The following PLXNB1 variants were observed in gnomAD, a reference collection of about 807,000 sequenced individuals.
PLXNB1 encodes the protein plexin B1.
Under a neutral mutation model 209.4 loss-of-function variants are expected in PLXNB1, and 106 were observed. The ratio of observed to expected loss-of-function variants is 0.51; its 90% confidence interval spans 0.43 to 0.59. The LOEUF is 0.59. PLXNB1 is among the 20% of genes least tolerant of loss of function. The probability of loss-of-function intolerance (pLI) is 0.00; values close to 1 mark genes in which losing one functional copy is unlikely to be tolerated. For missense variants in PLXNB1, 2,357 were observed against 2,853.2 expected, an observed-to-expected ratio of 0.83 and a Z score of 3.96; for synonymous variants, 1,167 against 1,183.2, an observed-to-expected ratio of 0.99 and a Z score of 0.28.
Position 48,412,429 on chromosome 3 carries a change from C to T in PLXNB1, c.5033+13G>A, listed in dbSNP as rs185691462. 390 of 1,612,820 alleles carry T rather than the reference C, an allele frequency of 2.4e-4. 2 individuals are homozygous for T. The African/African-American group carries it at 4.3e-3, about 18-fold the overall frequency. On this transcript the variant is annotated intron_variant, in intron 26 of 37. Transcript: ENST00000296440. ...CTGTCCAGGGCCCACCCAGCCCCAA[C>T]AGCCACACAGACCTGCGCAGCATCA...
rs1385331767 is a variant in PLXNB1, at chr3:48,411,538, G to C, written c.5247+325C>G. Among the ~76,000 whole-genome samples, 2 of 152,200 alleles carry C rather than the reference G, an allele frequency of 1.3e-5. No individual in the cohort carries two copies. The highest frequency in any genetic ancestry group is 2.9e-5 in the Non-Finnish European group (2 of 68,032). On this transcript the variant is annotated intron_variant, in intron 28 of 37. Transcript: ENST00000296440. The surrounding 1 kb of genome is among the most constrained non-coding windows in gnomAD (Gnocchi z 4.0). The stretch of plus-strand genomic sequence containing the variant: ...GGGCAAGGCCGCATTCCTGGTAGGA[G>C]GGCCAGGCAGACAGGGTCAGGCCCT...
In PLXNB1 at chr3:48,412,449, G is replaced by C; in HGVS notation, c.5026C>G (p.Leu1676Val). 6.2e-7 allele frequency: 1 copy of C among 1,613,562 alleles called. No individual in the cohort carries two copies. Among genetic ancestry groups the C allele is most frequent in the Non-Finnish European group, 8.5e-7 (1 of 1,180,008 alleles). The change falls in exon 26 of 38, where the codon CTG becomes GTG. Residue 1676 changes from leucine (L) to valine (V), a missense_variant. Leu to Val is a conservative substitution (Grantham distance 32, BLOSUM62 1). Coordinates refer to ENST00000296440, the MANE Select transcript of PLXNB1 (RefSeq NM_001130082.3). Reference protein sequence around the residue: ...QYVAKNPKLMLRRTETVVEKL... With the variant: ...QYVAKNPKLMVRRTETVVEKL... ...CCCAACAGCCACACAGACCTGCGCA[G>C]CATCAGCTTGGGGTTCTTGGCCACA...
At chr3:48,423,447 C>A in intron 3 of PLXNB1, 58 bp downstream of exon 3, 1 of 1,571,300 alleles carries the variant, frequency 6.4e-7, no homozygotes, top group South Asian at 1.2e-5. Flanking sequence ...TCCTTGGCTG[C>A]AAATGCTTGG....
rs1337757407 is a variant in PLXNB1, at chr3:48,410,695, G to A, written c.5417-137C>T. On this transcript the variant is annotated intron_variant, in intron 29 of 37. Coordinates refer to ENST00000296440, the MANE Select transcript of PLXNB1 (RefSeq NM_001130082.3). This position sits in a 1 kb window ranked among gnomAD's most constrained non-coding sequence, Gnocchi z 6.4. ...TCAACCTCTCCAAAGACCAAGAGCAGGGACCCCCTCCCCAGATGAGAGGCT... is the reference window on the plus strand; with the variant it reads ...TCAACCTCTCCAAAGACCAAGAGCAAGGACCCCCTCCCCAGATGAGAGGCT... The A allele has an allele frequency of 7.4e-6, 7 of 941,000 alleles. No homozygotes were observed. Among genetic ancestry groups the A allele is most frequent in the Non-Finnish European group, 8.1e-6 (5 of 618,526 alleles). 58.3% of individuals were successfully genotyped at this position (941,000 alleles called of 1,614,324 possible).
Position 48,424,040 on chromosome 3 carries a change from G to T in PLXNB1, c.572C>A (p.Pro191Gln). 1 of 1,600,206 alleles carries T rather than the reference G, an allele frequency of 6.2e-7. No individual in the cohort carries two copies. Among genetic ancestry groups the T allele is most frequent in the East Asian group, 2.3e-5 (1 of 44,166 alleles). Residue 191 changes from proline (P) to glutamine (Q), a missense_variant, in exon 3 of 38, where the codon CCG (proline) becomes CAG (glutamine). This residue lies in a region of PLXNB1 where 404 missense variants were observed against 443.6 expected (regional missense o/e 0.91). Transcript: ENST00000296440. The stretch of plus-strand genomic sequence containing the variant: ...GGAGAAGGCAGCTTGGGGGTCGGGC[G>T]GCCACAGGGCCCGGGTTGTGATGGG... ...IPPITTRALWPPDPQAAFSYE... is the reference protein window; with the variant it reads ...IPPITTRALWQPDPQAAFSYE...
chr3:48,416,106 G>A lies in PLXNB1; in HGVS notation c.3542C>T (p.Thr1181Ile), dbSNP rs1421478257. The change falls in exon 18 of 38, where the codon ACC becomes ATC. Residue 1181 changes from threonine to isoleucine, a missense_variant. By Grantham distance (89) the Thr-to-Ile change is moderately conservative. Transcript: ENST00000296440. The surrounding 1 kb of genome is among the most constrained non-coding windows in gnomAD (Gnocchi z 4.1). The stretch of plus-strand genomic sequence containing the variant: ...AGTCAGGAGCTTGGAGCCATTCAGG[G>A]TGAGACGGGTGCCCCCAGCTCTGGG... ...RGPRAGGTRL[T>I]LNGSKLLTGR... is the part of the protein sequence containing the mutation. The A allele has an allele frequency of 1.3e-6, 2 of 1,599,276 alleles. No individual in the cohort carries two copies. The highest frequency in any genetic ancestry group is 1.7e-6 in the Non-Finnish European group (2 of 1,173,222).
Position 48,411,171 on chromosome 3 carries a change from T to G in PLXNB1, c.5248-135A>C. ...CACCACACAATCCCTAATTCTCGTC[T>G]CTTCACCTGCCTGCCTTCCCCAGGG... On this transcript the variant is annotated intron_variant, in intron 28 of 37. Coordinates refer to ENST00000296440, the MANE Select transcript of PLXNB1 (RefSeq NM_001130082.3). The surrounding 1 kb of genome is among the most constrained non-coding windows in gnomAD (Gnocchi z 4.0). 1.4e-6 allele frequency: 1 copy of G among 729,772 alleles called. No individual in the cohort carries two copies. Among genetic ancestry groups the G allele is most frequent in the Non-Finnish European group, 2.2e-6 (1 of 456,612 alleles). The allele number at this position is 729,772 out of a possible 1,614,324, so 45.2% of individuals were successfully genotyped here.
chr3:48,409,925 T>A lies in PLXNB1; in HGVS notation c.5758A>T (p.Thr1920Ser), dbSNP rs777578353. The change falls in exon 32 of 38, where the codon ACC becomes TCC. Residue 1920 changes from threonine (T) to serine (S), a missense_variant. Physicochemically the swap from Thr to Ser is moderately conservative, Grantham distance 58 (BLOSUM62 1). This residue lies in a region of PLXNB1 where 414 missense variants were observed against 520.5 expected (regional missense o/e 0.80). Coordinates refer to ENST00000296440, the MANE Select transcript of PLXNB1 (RefSeq NM_001130082.3). The surrounding 1 kb of genome is among the most constrained non-coding windows in gnomAD (Gnocchi z 5.8). ...RAKAIPEIYLTRLLSMKGTLQ... is the reference protein window; with the variant it reads ...RAKAIPEIYLSRLLSMKGTLQ... ...CCCACCTTCATGGACAGCAGGCGGGTCAGGTAGATCTCAGGGATGGCCTTG... is the reference window on the plus strand; with the variant it reads ...CCCACCTTCATGGACAGCAGGCGGGACAGGTAGATCTCAGGGATGGCCTTG... 11 of 1,610,950 alleles carry A rather than the reference T, an allele frequency of 6.8e-6. No individual in the cohort carries two copies. The highest frequency in any genetic ancestry group is 1.3e-5 in the African/African-American group (1 of 74,638).
At chr3:48,408,788 A>G (rs2037468595) in intron 34 of PLXNB1, among the ~76,000 whole-genome samples, 1 of 152,164 alleles carries the variant, frequency 6.6e-6, no homozygotes. Flanking sequence ...CCAGAGGCCC[A>G]GGGATCATGT....
rs76177327 is a variant in PLXNB1 at position 48,409,220 on chromosome 3, G to A, written c.6087+109C>T. 4.1e-3 allele frequency: 5,371 copies of A among 1,318,442 alleles called. 93 individuals carry two copies. The African/African-American group carries it at 0.054, about 13-fold the overall frequency. The allele number at this position is 1,318,442 out of a possible 1,614,324, so 81.7% of individuals were successfully genotyped here. A position where few individuals can be genotyped will look rare whatever the true frequency, so the allele number is the denominator to read the frequency against. On this transcript the variant is annotated intron_variant, in intron 34 of 37. Coordinates refer to ENST00000296440, the MANE Select transcript of PLXNB1 (RefSeq NM_001130082.3). This position sits in a 1 kb window ranked among gnomAD's most constrained non-coding sequence, Gnocchi z 5.8. The stretch of plus-strand genomic sequence containing the variant: ...GAAGCCTTGGCTTGGGAGGTCAGAG[G>A]TCTCCCCTAAGCCCTCCTTGAAGTT...
In PLXNB1 at chr3:48,411,015, C is replaced by G; in HGVS notation, c.5269G>C (p.Val1757Leu). ...RPLTLNALLA[V>L]GPGAGEAQGV... The stretch of plus-strand genomic sequence containing the variant: ...TGGGCCTCTCCTGCCCCAGGCCCCA[C>G]AGCCAATAGTGCATTCAAGGTCTGT... Residue 1757 changes from valine (V) to leucine (L), a missense_variant, in exon 29 of 38, where the codon GTG becomes CTG. Physicochemically the swap from Val to Leu is conservative, Grantham distance 32 (BLOSUM62 1). Around this residue, in one of 7 missense-constraint regions of PLXNB1, gnomAD observed 414 missense variants for 520.5 expected, o/e 0.80. Transcript: ENST00000296440. This position sits in a 1 kb window ranked among gnomAD's most constrained non-coding sequence, Gnocchi z 4.0. 2 of 1,613,612 alleles carry G rather than the reference C, an allele frequency of 1.2e-6. No individual in the cohort carries two copies. Among genetic ancestry groups the G allele is most frequent in the Non-Finnish European group, 1.7e-6 (2 of 1,179,876 alleles).
At position 48,410,480 on chromosome 3, in the gene PLXNB1, C is replaced by A; in HGVS notation, c.5495G>T (p.Arg1832Leu). ...CTTGTAATGCTGCAGTGTGTTCAGG[C>A]GCCTCCACAGACCCTGGACCTCAGA... The part of the protein sequence containing the change: ...VTSEVQGLWR[R>L]LNTLQHYKVP... Residue 1832 changes from arginine to leucine, a missense_variant, in exon 30 of 38, where the codon CGC becomes CTC. Coordinates refer to ENST00000296440, the MANE Select transcript of PLXNB1 (RefSeq NM_001130082.3). This position sits in a 1 kb window ranked among gnomAD's most constrained non-coding sequence, Gnocchi z 6.4. The A allele has an allele frequency of 3.1e-6, 5 of 1,613,926 alleles. No homozygotes were observed. The highest frequency in any genetic ancestry group is 4.2e-6 in the Non-Finnish European group (5 of 1,179,926).
At chr3:48,422,990 C>T in intron 3 of PLXNB1, 43 bp from the exon 4 acceptor site, 2 of 1,565,360 alleles carry the variant, frequency 1.3e-6, no homozygotes, top group South Asian at 1.1e-5. Context: ...CCCTGGATAA[C>T]CTCCTCGGCC....
Position 48,417,812 on chromosome 3 carries a change from A to AG in PLXNB1, c.3374+98dup, listed in dbSNP as rs3217705. ...GGCCAGGATCAAGGAACAGGGAGAGAGGGGGGCAGATGAGCGGTGGGTGGG... is the reference window on the plus strand; with the variant it reads ...GGCCAGGATCAAGGAACAGGGAGAGAGGGGGGGCAGATGAGCGGTGGGTGGG... On this transcript the variant is annotated intron_variant, in intron 16 of 37. Transcript: ENST00000296440. This position sits in a 1 kb window ranked among gnomAD's most constrained non-coding sequence, Gnocchi z 4.4. The AG allele has an allele frequency of 3.0e-5, 38 of 1,276,472 alleles. No individual in the cohort carries two copies. The highest frequency in any genetic ancestry group is 1.8e-4 in the African/African-American group (12 of 67,514). The allele number at this position is 1,276,472 out of a possible 1,614,324, so 79.1% of individuals were successfully genotyped here. A position where few individuals can be genotyped will look rare whatever the true frequency, so the allele number is the denominator to read the frequency against.
At position 48,410,536 on chromosome 3, in the gene PLXNB1, C is replaced by T. The variant is rs748229334; in HGVS notation, c.5439G>A (p.Gly1813=). ...LDVEWRSGVA[G]HLILSDEDVT... is the part of the protein sequence containing the mutation. Reference sequence around the variant, plus strand: ...CATCCTCGTCAGAAAGAATGAGGTGCCCGGCCACCCCAGACCGCCACTCTG... The same window carrying T: ...CATCCTCGTCAGAAAGAATGAGGTGTCCGGCCACCCCAGACCGCCACTCTG... Residue 1813 remains glycine (G), a synonymous_variant, in exon 30 of 38, where the codon GGG becomes GGA. Transcript: ENST00000296440. The surrounding 1 kb of genome is among the most constrained non-coding windows in gnomAD (Gnocchi z 6.4). 4 of 1,613,606 alleles carry T rather than the reference C, an allele frequency of 2.5e-6. No homozygotes were observed. Among genetic ancestry groups the T allele is most frequent in the Non-Finnish European group, 3.4e-6 (4 of 1,179,966 alleles).
chr3:48,411,049 C>A lies in PLXNB1; in HGVS notation c.5248-13G>T. 1 of 1,603,112 alleles carries A rather than the reference C, an allele frequency of 6.2e-7. No homozygotes were observed. The highest frequency in any genetic ancestry group is 8.5e-7 in the Non-Finnish European group (1 of 1,172,914). ...GTGCATTCAAGGTCTGTGCAGGACA[C>A]ACAGGAGCCATCAGGGTTCATGTGC... On this transcript the variant is annotated splice_polypyrimidine_tract_variant and intron_variant, in intron 28 of 37. Transcript: ENST00000296440. This position sits in a 1 kb window ranked among gnomAD's most constrained non-coding sequence, Gnocchi z 4.0.
At position 48,424,563 on chromosome 3, in the gene PLXNB1, C is replaced by T; in HGVS notation, c.49G>A (p.Val17Ile). ...GGTGGAAGGGGCTGGAGGGTGAGGA[C>T]CCACCCGGCCCAGAGAGCCTGGAGA... Reference protein sequence around the residue: ...ALLQALWAGWVLTLQPLPPTA... With the variant: ...ALLQALWAGWILTLQPLPPTA... Residue 17 changes from valine (V) to isoleucine (I), a missense_variant, in exon 3 of 38, where the codon GTC becomes ATC. Val to Ile is a conservative substitution (Grantham distance 29). This residue lies in a region of PLXNB1 where 107 missense variants were observed against 167.2 expected (regional missense o/e 0.64). Coordinates refer to ENST00000296440, the MANE Select transcript of PLXNB1 (RefSeq NM_001130082.3). The T allele has an allele frequency of 6.4e-7, 1 of 1,553,490 alleles. No homozygotes were observed. The highest frequency in any genetic ancestry group is 8.7e-7 in the Non-Finnish European group (1 of 1,152,276).
intron 26 of PLXNB1, 24 bp downstream of exon 26, chr3:48,412,417 AC>A (rs762768262): frequency 6.2e-7 from 1 of 1,611,950 alleles, no homozygotes; most frequent in Non-Finnish European, 8.5e-7. Context: ...TCCAGGGCCC[AC>A]CCAGCCCCAA....
At position 48,422,334 on chromosome 3, in the gene PLXNB1, G is replaced by C; in HGVS notation, c.1416C>G (p.Ser472Arg). 6.2e-7 allele frequency: 1 copy of C among 1,611,120 alleles called. No individual in the cohort carries two copies. Among genetic ancestry groups the C allele is most frequent in the Non-Finnish European group, 8.5e-7 (1 of 1,178,518 alleles). ...TFEHLYVMTQ[S>R]TLLKVPVASC... ...CTGGCTTGTGCCTGGCACTCACTGT[G>C]CTCTGGGTCATGACATACAGGTGCT... Residue 472 changes from serine (S) to arginine (R), a missense_variant, in exon 5 of 38, where the codon AGC (serine) becomes AGG (arginine). This residue lies in a region of PLXNB1 where 214 missense variants were observed against 297.1 expected (regional missense o/e 0.72). Transcript: ENST00000296440.
Sources: allele counts gnomAD v4.1 joint callset (sites outside exome capture counted in the v4.1 genomes callset), GRCh38; gene constraint gnomAD v4.1.1; regional missense constraint gnomAD v4.1.1; non-coding constraint Gnocchi (gnomAD v3.1); transcripts MANE v1.5; gene names NCBI Gene and HGNC (gene_info 2026-07-23, HGNC 2026-07-21).